The following GLI3 variants were observed in gnomAD, a reference collection of about 807,000 sequenced individuals.
The protein encoded by GLI3 is GLI family zinc finger 3, also known as transcription activator GLI3.
Under a neutral mutation model 100.8 loss-of-function variants are expected in GLI3, and 20 were observed. That is an observed-to-expected ratio of 0.20 (90% CI 0.14 to 0.29). GLI3 has a LOEUF of 0.29. Among genes scored for constraint, GLI3 ranks in the 10% least tolerant of loss-of-function variants. GLI3 has a pLI of 1.00. For synonymous variants in GLI3, 938 were observed against 860.5 expected (o/e 1.09, Z -1.58); for missense variants, 2,040 against 2,128.5 (o/e 0.96, Z 0.82).
In GLI3 at chr7:41,966,475, C is replaced by A. The variant is rs1338756054; in HGVS notation, c.2598G>T (p.Gly866=). 1 of 1,613,282 alleles carries A rather than the reference C, an allele frequency of 6.2e-7. No homozygotes were observed. The highest frequency in any genetic ancestry group is 8.5e-7 in the Non-Finnish European group (1 of 1,179,876). ...SAYLSSRRSS[G]ISPCFSSRRS... The stretch of plus-strand genomic sequence containing the variant: ...GGCGGCTGGAGAAGCAGGGCGAGAT[C>A]CCTGAGGAGCGGCGGCTGCTCAGGT... Residue 866 remains glycine (G), a synonymous_variant, in exon 15 of 15, where the codon GGG becomes GGT. Transcript: ENST00000395925. This position sits in a 1 kb window ranked among gnomAD's most constrained non-coding sequence, Gnocchi z 5.8.
At chr7:42,041,813 GA>G (rs1008005088) in intron 6 of GLI3, among the ~76,000 whole-genome samples, 4 of 151,640 alleles carry the variant, frequency 2.6e-5, no homozygotes, top group East Asian at 1.9e-4. Flanking sequence ...TAGAAATAAT[GA>G]AAAAAAATCC....
At chr7:42,261,980 CT>C (rs1562803505) in intron 1 of GLI3, among the ~76,000 whole-genome samples, 1 of 5,460 alleles carries the variant, frequency 1.8e-4, no homozygotes. Context: ...CTCGCTCTCT[CT>C]TTCTTTCTTT....
chr7:42,034,097 G>A (rs919885727), intron 7 of GLI3, among the ~76,000 whole-genome samples: 12 of 152,210 alleles, frequency 7.9e-5, no homozygotes. Flanking sequence ...TCTTACATGA[G>A]ATCTGGCTCA....
At chr7:42,154,915 A>T (rs1484773047) in intron 2 of GLI3, among the ~76,000 whole-genome samples, 1 of 152,188 alleles carries the variant, frequency 6.6e-6, no homozygotes, top group Non-Finnish European at 1.5e-5. Context: ...TCTCCCATTG[A>T]CAATGACGGA....
rs749856292 is a variant in GLI3 at position 41,966,015 on chromosome 7, G to A, written c.3058C>T (p.Arg1020Cys). 5.6e-6 allele frequency: 9 copies of A among 1,598,234 alleles called. No homozygotes were observed. In the South Asian group the frequency reaches 7.7e-5, roughly 14 times the overall value. The part of the protein sequence containing the change: ...RTGSEGLALP[R>C]VPRFSSLSSC... ...CTGAGGCTGCTGAAGCGCGGCACAC[G>A]AGGCAGGGCCAGGCCCTCGGAGCCT... The change falls in exon 15 of 15, where the codon CGT becomes TGT. Residue 1020 changes from arginine to cysteine, a missense_variant. This residue lies in a region of GLI3 where 1,041 missense variants were observed against 924.0 expected (regional missense o/e 1.13). Coordinates refer to ENST00000395925, the MANE Select transcript of GLI3 (RefSeq NM_000168.6). This position sits in a 1 kb window ranked among gnomAD's most constrained non-coding sequence, Gnocchi z 5.8.
Position 41,966,488 on chromosome 7 carries a change from C to T in GLI3, c.2585G>A (p.Arg862His), listed in dbSNP as rs1206529384. Residue 862 changes from arginine to histidine, a missense_variant, in exon 15 of 15, where the codon CGC (arginine) becomes CAC (histidine). By Grantham distance (29) the Arg-to-His change is conservative. Coordinates refer to ENST00000395925, the MANE Select transcript of GLI3 (RefSeq NM_000168.6). The surrounding 1 kb of genome is among the most constrained non-coding windows in gnomAD (Gnocchi z 5.8). The part of the protein sequence containing the change: ...STISSAYLSS[R>H]RSSGISPCFS... ...GCAGGGCGAGATCCCTGAGGAGCGG[C>T]GGCTGCTCAGGTAGGCCGAGCTGAT... 3.7e-6 allele frequency: 6 copies of T among 1,613,064 alleles called. No individual in the cohort carries two copies. Among genetic ancestry groups the T allele is most frequent in the African/African-American group, 2.7e-5 (2 of 74,914 alleles).
intron 2 of GLI3, among the ~76,000 whole-genome samples, chr7:42,203,582 G>A (rs1788088578): frequency 6.6e-6 from 1 of 152,196 alleles, no homozygotes; most frequent in African/African-American, 2.4e-5. Context: ...TGGCTGCATA[G>A]TATGCCACTA....
chr7:41,977,156 A>AAGCTGTCAGGTGTC (rs1554306793), intron 12 of GLI3, among the ~76,000 whole-genome samples: 4 of 152,234 alleles, frequency 2.6e-5, no homozygotes, highest in Non-Finnish European at 5.9e-5. Flanking sequence ...ACTTAGCAGG[A>AAGCTGTCAGGTGTC]AGCTGTCAGC....
intron 3 of GLI3, among the ~76,000 whole-genome samples, chr7:42,135,648 T>C (rs1343949056): frequency 6.6e-6 from 1 of 152,208 alleles, no homozygotes; most frequent in Non-Finnish European, 1.5e-5. Context: ...TTTAAGTTAT[T>C]GGTTGAGAAT....
chr7:41,968,744 G>GAAAGAAGA (rs1562661970), intron 13 of GLI3, among the ~76,000 whole-genome samples: 1 of 127,198 alleles, frequency 7.9e-6, no homozygotes, highest in Non-Finnish European at 1.6e-5. Context: ...AAGAAAGAAA[G>GAAAGAAGA]AAAGAAAGAA....
At chr7:42,202,344 TCTCACACACACA>T (rs1194435027) in intron 2 of GLI3, among the ~76,000 whole-genome samples, 13 of 35,360 alleles carry the variant, frequency 3.7e-4, no homozygotes, top group Non-Finnish European at 1.9e-4. Context: ...TCTCTCTCTC[TCTCACACACACA>T]CACACACACA....
At chr7:42,092,720 A>G (rs1785249846) in intron 3 of GLI3, among the ~76,000 whole-genome samples, 1 of 152,198 alleles carries the variant, frequency 6.6e-6, no homozygotes, top group Non-Finnish European at 1.5e-5. Flanking sequence ...GTTGACCAAC[A>G]GATGACAGGT....
chr7:42,116,140 C>T (rs1222476500), intron 3 of GLI3, among the ~76,000 whole-genome samples: 1 of 152,016 alleles, frequency 6.6e-6, no homozygotes, highest in Non-Finnish European at 1.5e-5. Context: ...ACAGAAGCCA[C>T]CAGGTCCCAA....
intron 2 of GLI3, among the ~76,000 whole-genome samples, chr7:42,174,405 T>C (rs564570379): frequency 6.6e-6 from 1 of 152,338 alleles, no homozygotes; most frequent in Non-Finnish European, 1.5e-5. Flanking sequence ...ATGTCTGCAT[T>C]GTATGTCAAA....
intron 3 of GLI3, among the ~76,000 whole-genome samples, chr7:42,146,862 T>C (rs975613223): frequency 1.2e-4 from 19 of 152,082 alleles, no homozygotes; most frequent in African/African-American, 4.6e-4. Context: ...AAAGGAAAGA[T>C]GAATAAAATA....
chr7:42,067,434 C>G (rs1481846073), intron 4 of GLI3, among the ~76,000 whole-genome samples: 1 of 152,146 alleles, frequency 6.6e-6, no homozygotes, highest in Non-Finnish European at 1.5e-5. Context: ...GCAAATGAGG[C>G]AATTCATTTA....
chr7:42,065,970 A>C (rs187615598), intron 4 of GLI3, among the ~76,000 whole-genome samples: 1 of 152,268 alleles, frequency 6.6e-6, no homozygotes, highest in East Asian at 1.9e-4. Context: ...CGTTAGGGGC[A>C]CTTAGCAAGC....
intron 10 of GLI3, among the ~76,000 whole-genome samples, chr7:41,986,388 C>T (rs1002189597): frequency 1.3e-5 from 2 of 152,048 alleles, no homozygotes; most frequent in African/African-American, 4.8e-5. Context: ...ATGAACTAAC[C>T]TAAAATATGA....
intron 2 of GLI3, among the ~76,000 whole-genome samples, chr7:42,179,255 C>A (rs1369484569): frequency 6.6e-6 from 1 of 152,260 alleles, no homozygotes; most frequent in African/African-American, 2.4e-5. Flanking sequence ...CAACCCCAGC[C>A]ATGTGGAACC....
Sources: allele counts gnomAD v4.1 joint callset (sites outside exome capture counted in the v4.1 genomes callset), GRCh38; gene constraint gnomAD v4.1.1; regional missense constraint gnomAD v4.1.1; non-coding constraint Gnocchi (gnomAD v3.1); transcripts MANE v1.5; gene names NCBI Gene and HGNC (gene_info 2026-07-23, HGNC 2026-07-21).